STRAP: variants seen among roughly 807,000 people sequenced by gnomAD.
The protein encoded by STRAP is serine-threonine kinase receptor-associated protein.
Under a neutral mutation model 47.0 loss-of-function variants are expected in STRAP, and 16 were observed. That is an observed-to-expected ratio of 0.34 (90% confidence interval 0.23 to 0.52). The LOEUF (loss-of-function observed/expected upper bound fraction) is 0.52. STRAP is among the 20% of genes least tolerant of loss of function. STRAP has a pLI of 0.96. For missense variants in STRAP, 293 were observed against 420.0 expected, an observed-to-expected ratio of 0.70 and a Z score of 2.64; for synonymous variants, 130 against 142.7, an observed-to-expected ratio of 0.91 and a Z score of 0.63.
At chr12:15,886,356 T>C (rs1326026104) in intron 2 of STRAP, among the ~76,000 whole-genome samples, 2 of 152,132 alleles carry the variant, frequency 1.3e-5, no homozygotes, top group Non-Finnish European at 2.9e-5. Flanking sequence ...TTGGCTAATC[T>C]TTGTGTTTTT....
In STRAP at chr12:15,895,516, T is replaced by C. The variant is rs758998443; in HGVS notation, c.638+20T>C. 3.2e-6 allele frequency: 5 copies of C among 1,574,170 alleles called. No individual in the cohort carries two copies. The highest frequency in any genetic ancestry group is 4.2e-5 in the Admixed American group (2 of 48,184). ...AGTAAGGTATGTCCAAGAAATACTT[T>C]CATTTTCTTTTTTAGGTAACAAAAG... On this transcript the variant is annotated intron_variant, in intron 6 of 9. Coordinates refer to ENST00000419869, the MANE Select transcript of STRAP (RefSeq NM_007178.4).
chr12:15,889,846 C>T, intron 2 of STRAP, 82 bp from the exon 3 acceptor site: 1 of 1,089,988 alleles, frequency 9.2e-7, no homozygotes, highest in Non-Finnish European at 1.4e-6. Flanking sequence ...TTATTTGGTA[C>T]TCATCAATAT....
intron 2 of STRAP, among the ~76,000 whole-genome samples, chr12:15,886,155 G>T (rs1417697082): frequency 6.6e-6 from 1 of 151,690 alleles, no homozygotes; most frequent in Non-Finnish European, 1.5e-5. Flanking sequence ...TTGCATTCGT[G>T]TGCTAACTAT....
At position 15,894,104 on chromosome 12, in the gene STRAP, A is replaced by G; in HGVS notation, c.461A>G (p.Glu154Gly). The change falls in exon 5 of 10, where the codon GAG becomes GGG. Residue 154 changes from glutamate (E) to glycine (G), a missense_variant. By Grantham distance (98) the Glu-to-Gly change is moderately conservative. Transcript: ENST00000419869. The surrounding 1 kb of genome is among the most constrained non-coding windows in gnomAD (Gnocchi z 4.9). Reference protein sequence around the residue: ...SGIKKALWCSEDKQILSADDK... With the variant: ...SGIKKALWCSGDKQILSADDK... ...ATAAAAAAAGCTCTGTGGTGCAGTG[A>G]GGATAAACAGATTCTTTCTGCTGAT... 5.6e-6 allele frequency: 9 copies of G among 1,613,730 alleles called. No individual in the cohort carries two copies. Among genetic ancestry groups the G allele is most frequent in the Non-Finnish European group, 7.6e-6 (9 of 1,179,880 alleles).
At position 15,896,848 on chromosome 12, in the gene STRAP, C is replaced by T. The variant is rs1039786175; in HGVS notation, c.639-1034C>T. 6.6e-6 allele frequency among the ~76,000 whole-genome samples: 1 copy of T among 152,294 alleles called. No homozygotes were observed. The highest frequency in any genetic ancestry group is 1.9e-4 in the East Asian group (1 of 5,176). ...ATTGATTTCCATAAGGATTATACCACATTACACTTTGATATTTGACCAGTG... is the reference window on the plus strand; with the variant it reads ...ATTGATTTCCATAAGGATTATACCATATTACACTTTGATATTTGACCAGTG... On this transcript the variant is annotated intron_variant, in intron 6 of 9. Transcript: ENST00000419869. The surrounding 1 kb of genome is among the most constrained non-coding windows in gnomAD (Gnocchi z 4.1).
At chr12:15,893,361 C>T (rs958290403) in intron 4 of STRAP, among the ~76,000 whole-genome samples, 24 of 149,966 alleles carry the variant, frequency 1.6e-4, no homozygotes, top group African/African-American at 5.6e-4. Flanking sequence ...TTCCTGAGTC[C>T]GTGTTCTTAT....
At chr12:15,883,388 A>C (rs1266385733) in intron 1 of STRAP, among the ~76,000 whole-genome samples, 153 bp from the exon 2 acceptor site, 1 of 152,246 alleles carries the variant, frequency 6.6e-6, no homozygotes, top group Non-Finnish European at 1.5e-5. Flanking sequence ...TTATTACTGC[A>C]CATTCCTTAG....
At chr12:15,902,697 A>G (rs1056834840) in intron 9 of STRAP, among the ~76,000 whole-genome samples, 4 of 152,128 alleles carry the variant, frequency 2.6e-5, no homozygotes, top group African/African-American at 9.7e-5. Context: ...GTGTAAGAGA[A>G]TCTAGTGGAT....
chr12:15,903,019 CA>C lies in STRAP; in HGVS notation c.*43del. ...GCAGTTAGTATACAACTGACTAAAACAAGCAAGCAGAGAAAAGCATCAGCCT... is the reference window on the plus strand; with the variant it reads ...GCAGTTAGTATACAACTGACTAAAACAGCAAGCAGAGAAAAGCATCAGCCT... On this transcript the variant is annotated 3_prime_UTR_variant, in exon 10 of 10. Coordinates refer to ENST00000419869, the MANE Select transcript of STRAP (RefSeq NM_007178.4). 7.3e-7 allele frequency: 1 copy of C among 1,360,774 alleles called. No homozygotes were observed. The highest frequency in any genetic ancestry group is 9.5e-7 in the Non-Finnish European group (1 of 1,048,170). The allele number at this position is 1,360,774 out of a possible 1,614,324, so 84.3% of individuals were successfully genotyped here.
intron 2 of STRAP, 147 bp from the exon 3 acceptor site, chr12:15,889,781 T>C: frequency 1.7e-6 from 1 of 581,828 alleles, no homozygotes; most frequent in Middle Eastern, 4.8e-4. Flanking sequence ...CTGTGAGGGA[T>C]ATTAGAGATA....
intron 8 of STRAP, among the ~76,000 whole-genome samples, chr12:15,900,520 C>CA (rs397823926): frequency 0.055 from 5,630 of 102,010 alleles, 303 homozygotes; most frequent in African/African-American, 0.16. Context: ...GACTCAGTCT[C>CA]AAAAAAAAAA....
chr12:15,900,263 GGCTCAC>G (rs2136113876), intron 8 of STRAP, among the ~76,000 whole-genome samples: 1 of 152,164 alleles, frequency 6.6e-6, no homozygotes, highest in South Asian at 2.1e-4. Flanking sequence ...TGGGCACGGT[GGCTCAC>G]GCCTGTAATC....
At chr12:15,888,907 G>T (rs758131781) in intron 2 of STRAP, among the ~76,000 whole-genome samples, 1 of 152,048 alleles carries the variant, frequency 6.6e-6, no homozygotes, top group Non-Finnish European at 1.5e-5. Flanking sequence ...ATGTATTGGG[G>T]TAAGCAAAAG....
chr12:15,891,531 A>T (rs889298869), intron 4 of STRAP, among the ~76,000 whole-genome samples: 4 of 152,242 alleles, frequency 2.6e-5, no homozygotes, highest in Non-Finnish European at 5.9e-5. Flanking sequence ...CTACTTACAG[A>T]TTTTAAATAT....
At chr12:15,888,372 A>C (rs1168827831) in intron 2 of STRAP, among the ~76,000 whole-genome samples, 1 of 152,204 alleles carries the variant, frequency 6.6e-6, no homozygotes, top group African/African-American at 2.4e-5. Context: ...TTGGGGCCAG[A>C]GAGTTGCATT....
chr12:15,901,365 A>G (rs1441383334), intron 9 of STRAP, among the ~76,000 whole-genome samples: 1 of 152,170 alleles, frequency 6.6e-6, no homozygotes, highest in African/African-American at 2.4e-5. Flanking sequence ...ATGAGCAGAA[A>G]TGATTTAGGT....
Position 15,882,774 on chromosome 12 carries a change from A to C in STRAP, c.67A>C (p.Ser23Arg). 6.2e-7 allele frequency: 1 copy of C among 1,613,844 alleles called. No individual in the cohort carries two copies. Among genetic ancestry groups the C allele is most frequent in the Non-Finnish European group, 8.5e-7 (1 of 1,179,986 alleles). ...HTRPVVDLAF[S>R]GITPYGYFLI... ...GCGACCCGTGGTTGATTTGGCCTTC[A>C]GTGGCATCACGCCTTATGGGTATTT... Residue 23 changes from serine to arginine, a missense_variant, in exon 1 of 10, where the codon AGT (serine) becomes CGT (arginine). Around this residue, in one of 5 missense-constraint regions of STRAP, gnomAD observed 31 missense variants for 39.2 expected, o/e 0.79. Coordinates refer to ENST00000419869, the MANE Select transcript of STRAP (RefSeq NM_007178.4).
intron 8 of STRAP, among the ~76,000 whole-genome samples, chr12:15,900,692 C>T (rs1279945229): frequency 6.6e-6 from 1 of 152,074 alleles, no homozygotes; most frequent in Non-Finnish European, 1.5e-5. Context: ...TGATCCACAC[C>T]AATAAAGATA....
rs890306383 is a variant in STRAP, at chr12:15,887,629, A to G, written c.249-2299A>G. Among the ~76,000 whole-genome samples, 22 of 152,228 alleles carry G rather than the reference A, an allele frequency of 1.4e-4. No individual in the cohort carries two copies. The highest frequency in any genetic ancestry group is 5.1e-4 in the African/African-American group (21 of 41,466). ...CTAAATAGGAGGAAAAACTACAGAC[A>G]CATTACCTCTCTGGTTAATATTACT... On this transcript the variant is annotated intron_variant, in intron 2 of 9. Transcript: ENST00000419869. The surrounding 1 kb of genome is among the most constrained non-coding windows in gnomAD (Gnocchi z 5.5).
Sources: allele counts gnomAD v4.1 joint callset (sites outside exome capture counted in the v4.1 genomes callset), GRCh38; gene constraint gnomAD v4.1.1; regional missense constraint gnomAD v4.1.1; non-coding constraint Gnocchi (gnomAD v3.1); transcripts MANE v1.5; gene names NCBI Gene and HGNC (gene_info 2026-07-23, HGNC 2026-07-21).